Variants in ANKS1B observed in about 807,000 individuals in gnomAD.
The protein encoded by ANKS1B is ankyrin repeat and sterile alpha motif domain containing 1B, also known as ankyrin repeat and sterile alpha motif domain-containing protein 1B.
Under a neutral mutation model 148.3 loss-of-function variants are expected in ANKS1B, and 36 were observed. That is an observed-to-expected ratio of 0.24 (90% CI 0.19 to 0.32). The LOEUF is 0.32. ANKS1B is among the 10% of genes least tolerant of loss of function. The pLI, the probability that ANKS1B is intolerant of heterozygous loss-of-function variation, is 1.00. For synonymous variants in ANKS1B, 542 were observed against 560.8 expected, an observed-to-expected ratio of 0.97 and a Z score of 0.47; for missense variants, 1,157 against 1,542.6, an observed-to-expected ratio of 0.75 and a Z score of 4.19.
Position 99,051,133 on chromosome 12 carries a change from C to T in ANKS1B, c.2778+2024G>A, listed in dbSNP as rs542954447. Among the ~76,000 whole-genome samples the T allele has an allele frequency of 1.1e-4, 16 of 152,290 alleles. No individual in the cohort carries two copies. The South Asian group carries it at 3.1e-3, about 30-fold the overall frequency. On this transcript the variant is annotated intron_variant, in intron 17 of 26. Transcript: ENST00000683438. Reference sequence around the variant, plus strand: ...TGCAGCTGTCTACAAGGTCTGGCTGCAGTCACTAAACAAGGATCTCTAGGC... The same window carrying T: ...TGCAGCTGTCTACAAGGTCTGGCTGTAGTCACTAAACAAGGATCTCTAGGC...
At chr12:98,954,513 A>T (rs942445668) in intron 17 of ANKS1B, 2 of 152,234 alleles carry the variant, frequency 1.3e-5, no homozygotes, top group Non-Finnish European at 2.9e-5. Flanking sequence ...AGGTCAGCAA[A>T]CCAATAGGAG....
At chr12:99,947,260 A>G (rs921008448) in intron 1 of ANKS1B, among the ~76,000 whole-genome samples, 19 of 151,674 alleles carry the variant, frequency 1.3e-4, no homozygotes, top group African/African-American at 4.1e-4. Flanking sequence ...TAATACAAAA[A>G]AAAAAAAAAC....
intron 14 of ANKS1B, among the ~76,000 whole-genome samples, chr12:99,187,609 G>A (rs1425198473): frequency 2.0e-5 from 3 of 152,082 alleles, no homozygotes; most frequent in Non-Finnish European, 2.9e-5. Flanking sequence ...TAAAAGTGAA[G>A]GAGAAATAAA....
At chr12:99,077,766 T>A (rs1436193870) in intron 16 of ANKS1B, among the ~76,000 whole-genome samples, 1 of 152,200 alleles carries the variant, frequency 6.6e-6, no homozygotes, top group Non-Finnish European at 1.5e-5. Context: ...TCATAGAATG[T>A]CTCTGTTCTC....
intron 9 of ANKS1B, among the ~76,000 whole-genome samples, chr12:99,513,455 T>C (rs2096786721): frequency 6.6e-6 from 1 of 152,088 alleles, no homozygotes. Flanking sequence ...TACTATCTGG[T>C]AGGATAAATC....
chr12:99,041,601 T>A (rs190571390), intron 17 of ANKS1B, among the ~76,000 whole-genome samples: 42 of 152,228 alleles, frequency 2.8e-4, no homozygotes, highest in Non-Finnish European at 5.3e-4. Flanking sequence ...CCATTGATCA[T>A]CTTAGATTTT....
intron 10 of ANKS1B, among the ~76,000 whole-genome samples, chr12:99,496,614 T>C (rs2096606976): frequency 6.6e-6 from 1 of 152,222 alleles, no homozygotes; most frequent in African/African-American, 2.4e-5. Flanking sequence ...ATTAGTAAAA[T>C]GCTCCTTGGA....
chr12:98,997,981 T>C (rs1314759923), intron 17 of ANKS1B, among the ~76,000 whole-genome samples: 1 of 152,244 alleles, frequency 6.6e-6, no homozygotes, highest in Admixed American at 6.5e-5. Flanking sequence ...CCCCTGATAA[T>C]GTTCATGAAT....
intron 19 of ANKS1B, among the ~76,000 whole-genome samples, chr12:98,824,025 T>A (rs2099224742): frequency 6.6e-6 from 1 of 152,180 alleles, no homozygotes; most frequent in Non-Finnish European, 1.5e-5. Context: ...AGCTAACAGT[T>A]CTGTGCACAA....
At chr12:99,099,879 T>C (rs541987491) in intron 15 of ANKS1B, 28 of 152,090 alleles carry the variant, frequency 1.8e-4, no homozygotes, top group Admixed American at 6.5e-5. Context: ...GTATTTTTAA[T>C]GGCACTCTTT....
At chr12:99,521,775 T>C (rs909382156) in intron 9 of ANKS1B, among the ~76,000 whole-genome samples, 9 of 152,172 alleles carry the variant, frequency 5.9e-5, no homozygotes, top group African/African-American at 1.9e-4. Flanking sequence ...ACTTGGGGTA[T>C]GGTGATGCAA....
Position 98,801,233 on chromosome 12 carries a change from G to A in ANKS1B, c.3142-108C>T. The A allele has an allele frequency of 3.8e-6, 4 of 1,052,282 alleles. No individual in the cohort carries two copies. 65.2% of individuals were successfully genotyped at this position (1,052,282 alleles called of 1,614,324 possible). A position where few individuals can be genotyped will look rare whatever the true frequency, so the allele number is the denominator to read the frequency against. Reference sequence around the variant, plus strand: ...ACAGGTGCTGTGAATGTACCAAAATGCATTTGGGTGTCTTATGTGAATATA... The same window carrying A: ...ACAGGTGCTGTGAATGTACCAAAATACATTTGGGTGTCTTATGTGAATATA... On this transcript the variant is annotated intron_variant, in intron 20 of 26. Transcript: ENST00000683438. The surrounding 1 kb of genome is among the most constrained non-coding windows in gnomAD (Gnocchi z 5.2).
chr12:98,785,940 A>C (rs1456194525), intron 22 of ANKS1B, among the ~76,000 whole-genome samples: 1 of 152,090 alleles, frequency 6.6e-6, no homozygotes, highest in Non-Finnish European at 1.5e-5. Flanking sequence ...TTTCGTTTCT[A>C]GTTGCTTTTC....
At chr12:99,804,025 C>T (rs2067289947) in intron 4 of ANKS1B, among the ~76,000 whole-genome samples, 1 of 152,146 alleles carries the variant, frequency 6.6e-6, no homozygotes, top group Non-Finnish European at 1.5e-5. Context: ...AAAAAAAGGA[C>T]ACATCATATA....
intron 11 of ANKS1B, among the ~76,000 whole-genome samples, chr12:99,431,402 G>A (rs943995023): frequency 1.6e-4 from 25 of 152,202 alleles, no homozygotes; most frequent in Non-Finnish European, 2.9e-5. Flanking sequence ...TGCAAGATGA[G>A]TGGAAAATCA....
At chr12:99,505,082 G>A (rs1268242419) in intron 9 of ANKS1B, among the ~76,000 whole-genome samples, 1 of 152,078 alleles carries the variant, frequency 6.6e-6, no homozygotes, top group African/African-American at 2.4e-5. Flanking sequence ...CCCCAAGGAA[G>A]AAGCATATAA....
intron 12 of ANKS1B, among the ~76,000 whole-genome samples, chr12:99,312,082 G>T (rs2083258970): frequency 6.6e-6 from 1 of 152,172 alleles, no homozygotes; most frequent in Non-Finnish European, 1.5e-5. Context: ...TCTTAGGAAT[G>T]ATTTCTACAG....
intron 17 of ANKS1B, chr12:98,976,720 A>G (rs2099896885): frequency 6.6e-6 from 1 of 152,222 alleles, no homozygotes; most frequent in Admixed American, 6.5e-5. Context: ...TAAAAAACAC[A>G]CATGGCTCAG....
At chr12:99,711,958 T>C (rs2056697095) in intron 8 of ANKS1B, among the ~76,000 whole-genome samples, 1 of 152,154 alleles carries the variant, frequency 6.6e-6, no homozygotes, top group South Asian at 2.1e-4. Flanking sequence ...TGCCCATCAA[T>C]GATAGACTGG....
Sources: gnomAD v4.1 joint callset for allele counts (sites outside exome capture counted in the v4.1 genomes callset) on GRCh38, gnomAD v4.1.1 for gene constraint, Gnocchi (gnomAD v3.1) non-coding constraint, MANE v1.5 for transcripts, NCBI Gene and HGNC (gene_info 2026-07-23, HGNC 2026-07-21) for gene names.